The following TBC1D32 variants were observed in gnomAD, a reference collection of about 807,000 sequenced individuals.
TBC1D32 encodes TBC1 domain family member 32.
In TBC1D32, 151 loss-of-function variants were observed where a neutral mutation model predicts 170.3. The observed-to-expected ratio is 0.89, with a 90% CI of 0.78 to 1.01. The LOEUF (loss-of-function observed/expected upper bound fraction) is 1.01, where lower values mean the gene tolerates loss of function less well. Ranked by LOEUF, TBC1D32 falls within the 50% of genes least tolerant of loss-of-function variation. The pLI is 0.00. For synonymous variants in TBC1D32, 498 were observed against 488.0 expected (o/e 1.02, Z -0.27); for missense variants, 1,464 against 1,457.1 (o/e 1.00, Z -0.08).
chr6:121,158,185 T>C (rs2128241336), intron 24 of TBC1D32, among the ~76,000 whole-genome samples: 1 of 152,298 alleles, frequency 6.6e-6, no homozygotes, highest in African/African-American at 2.4e-5. Context: ...GGAAGTTTTG[T>C]CACTTTTAAA....
intron 30 of TBC1D32, among the ~76,000 whole-genome samples, chr6:121,101,825 A>T (rs1332348082): frequency 2.6e-5 from 4 of 152,172 alleles, no homozygotes; most frequent in Non-Finnish European, 5.9e-5. Flanking sequence ...ACATGATTGT[A>T]TATTTAGAAA....
chr6:121,150,177 G>A (rs1051749335), intron 24 of TBC1D32, among the ~76,000 whole-genome samples: 1 of 152,186 alleles, frequency 6.6e-6, no homozygotes, highest in African/African-American at 2.4e-5. Context: ...ATTATTTTGA[G>A]ATACGTTCCA....
chr6:121,091,063 A>C, intron 30 of TBC1D32, 22 bp from the exon 31 acceptor site: 1 of 1,556,126 alleles, frequency 6.4e-7, no homozygotes, highest in South Asian at 1.2e-5. Context: ...AAAAGTAGTA[A>C]GTTCATTAAA....
intron 17 of TBC1D32, among the ~76,000 whole-genome samples, chr6:121,250,468 A>C (rs1257334919): frequency 6.6e-6 from 1 of 152,198 alleles, no homozygotes; most frequent in Non-Finnish European, 1.5e-5. Context: ...TCAAATAAAC[A>C]GAACCAATGA....
At chr6:121,334,601 A>T (rs946456542), upstream of TBC1D32, 5 of 715,332 alleles carry the variant, frequency 7.0e-6, no homozygotes, top group Non-Finnish European at 1.2e-5. Flanking sequence ...GTCATTTCGG[A>T]AAACGAGTCA....
chr6:121,256,534 T>C (rs2128396790), intron 15 of TBC1D32, among the ~76,000 whole-genome samples: 1 of 152,276 alleles, frequency 6.6e-6, no homozygotes, highest in East Asian at 1.9e-4. Flanking sequence ...TATAGACGCA[T>C]TGAGACCACA....
chr6:121,332,126 G>A lies in TBC1D32; in HGVS notation c.155+2150C>T, dbSNP rs572897488. On this transcript the variant is annotated intron_variant, in intron 1 of 31. Coordinates refer to ENST00000398212, the MANE Select transcript of TBC1D32 (RefSeq NM_152730.6). ...AGTATTACAAGAGTCATTAGACTTC[G>A]GAGAGGAACTACAATGACCCAATTT... Among the ~76,000 whole-genome samples the A allele has an allele frequency of 5.3e-5, 8 of 152,048 alleles. No individual in the cohort carries two copies. In the Middle Eastern group the frequency reaches 0.01, roughly 194 times the overall value.
intron 29 of TBC1D32, among the ~76,000 whole-genome samples, chr6:121,109,371 A>G (rs748983385): frequency 4.6e-5 from 7 of 152,168 alleles, no homozygotes; most frequent in Non-Finnish European, 8.8e-5. Flanking sequence ...CTGATTTATC[A>G]TAAGTGGAGT....
chr6:121,104,926 A>C (rs977462369), intron 30 of TBC1D32, among the ~76,000 whole-genome samples: 1 of 151,980 alleles, frequency 6.6e-6, no homozygotes, highest in Admixed American at 6.6e-5. Flanking sequence ...ATCTCAAAGT[A>C]TATGTAGTAT....
intron 22 of TBC1D32, among the ~76,000 whole-genome samples, chr6:121,173,869 G>T (rs996844453): frequency 6.6e-6 from 1 of 150,440 alleles, no homozygotes; most frequent in African/African-American, 2.5e-5. Flanking sequence ...CTGTGAAAAA[G>T]CTCACATCTC....
intron 24 of TBC1D32, among the ~76,000 whole-genome samples, chr6:121,133,187 G>A (rs1230061744): frequency 6.6e-6 from 1 of 151,934 alleles, no homozygotes; most frequent in African/African-American, 2.4e-5. Context: ...AGTGGTAAAC[G>A]TGATACTTGA....
chr6:121,125,907 C>T (rs934906997), intron 26 of TBC1D32, among the ~76,000 whole-genome samples: 1 of 152,184 alleles, frequency 6.6e-6, no homozygotes, highest in Non-Finnish European at 1.5e-5. Context: ...CAGACAAATG[C>T]ATGTATCTTT....
Position 121,256,245 on chromosome 6 carries a change from G to C in TBC1D32, c.1774C>G (p.Leu592Val). 1 of 1,613,512 alleles carries C rather than the reference G, an allele frequency of 6.2e-7. No individual in the cohort carries two copies. Among genetic ancestry groups the C allele is most frequent in the Non-Finnish European group, 8.5e-7 (1 of 1,179,834 alleles). ...AATATAGAAATATCTTCATCGAGAA[G>C]TTTTTTCGAAAACTGGGCAATTATA... ...AHIIAQFSKK[L>V]LDEDISIFSG... Residue 592 changes from leucine to valine, a missense_variant, in exon 16 of 32, where the codon CTT (leucine) becomes GTT (valine). Leu to Val is a conservative substitution (Grantham distance 32). This residue lies in a region of TBC1D32 where 1,363 missense variants were observed against 1,338.1 expected (regional missense o/e 1.02). Coordinates refer to ENST00000398212, the MANE Select transcript of TBC1D32 (RefSeq NM_152730.6).
chr6:121,175,569 A>G (rs901653548), intron 22 of TBC1D32, among the ~76,000 whole-genome samples: 3 of 152,222 alleles, frequency 2.0e-5, no homozygotes, highest in African/African-American at 7.2e-5. Flanking sequence ...TATGACATCA[A>G]TATGTAACAG....
At chr6:121,141,798 TA>T (rs879733008) in intron 24 of TBC1D32, among the ~76,000 whole-genome samples, 15 of 145,324 alleles carry the variant, frequency 1.0e-4, no homozygotes, top group Admixed American at 2.8e-4. Context: ...GGAAAAGTTG[TA>T]AAAAAAAAAA....
At chr6:121,257,477 C>T (rs4946551) in intron 15 of TBC1D32, among the ~76,000 whole-genome samples, 134,499 of 152,132 alleles carry the variant, frequency 0.88, 59,897 homozygotes, top group East Asian at 0.98. Flanking sequence ...TACCAAATTA[C>T]GATTTTTCTG....
chr6:121,240,605 T>G (rs1796850063), intron 19 of TBC1D32, among the ~76,000 whole-genome samples: 1 of 151,680 alleles, frequency 6.6e-6, no homozygotes, highest in Non-Finnish European at 1.5e-5. Flanking sequence ...ATAAGACATA[T>G]TGGCCGGGTG....
At chr6:121,108,669 A>C (rs1338200219) in intron 29 of TBC1D32, among the ~76,000 whole-genome samples, 1 of 152,096 alleles carries the variant, frequency 6.6e-6, no homozygotes, top group Non-Finnish European at 1.5e-5. Flanking sequence ...TTAAAAAAAA[A>C]CATAACAGTC....
At chr6:121,252,371 CACA>C (rs1164647011) in intron 17 of TBC1D32, among the ~76,000 whole-genome samples, 1 of 152,078 alleles carries the variant, frequency 6.6e-6, no homozygotes, top group Admixed American at 6.6e-5. Flanking sequence ...GTGGCACATA[CACA>C]ACATGAAATA....
Sources: allele counts gnomAD v4.1 joint callset (sites outside exome capture counted in the v4.1 genomes callset), GRCh38; gene constraint gnomAD v4.1.1; regional missense constraint gnomAD v4.1.1; transcripts MANE v1.5; gene names NCBI Gene and HGNC (gene_info 2026-07-23, HGNC 2026-07-21).